YIPF1: variants seen among roughly 807,000 people sequenced by gnomAD.
YIPF1 encodes the protein protein YIPF1.
Under a neutral mutation model 37.0 loss-of-function variants are expected in YIPF1, and 22 were observed. The observed-to-expected ratio is 0.59, with a 90% CI of 0.42 to 0.85. YIPF1 has a LOEUF of 0.85. YIPF1 is among the 40% of genes least tolerant of loss of function. YIPF1 has a pLI of 0.00. For synonymous variants in YIPF1, 128 were observed against 131.9 expected, an observed-to-expected ratio of 0.97 and a Z score of 0.21; for missense variants, 355 against 373.1, an observed-to-expected ratio of 0.95 and a Z score of 0.40.
rs145272366 is a variant in YIPF1 at position 53,877,864 on chromosome 1, G to A, written c.364+451C>T. ...AGATAGGGTCTCCTTATGTTGCCCA[G>A]GCTGGTCTCAAACTCCTTGGGCTCA... On this transcript the variant is annotated intron_variant, in intron 6 of 10. Coordinates refer to ENST00000072644, the MANE Select transcript of YIPF1 (RefSeq NM_018982.5). Among the ~76,000 whole-genome samples the A allele has an allele frequency of 3.3e-5, 5 of 152,252 alleles. No individual in the cohort carries two copies. In the East Asian group the frequency reaches 7.7e-4, roughly 23 times the overall value.
chr1:53,863,204 T>G (rs2100723878), intron 9 of YIPF1, among the ~76,000 whole-genome samples: 1 of 152,308 alleles, frequency 6.6e-6, no homozygotes, highest in South Asian at 2.1e-4. Context: ...CTCCACTGCT[T>G]TCTCATCCAG....
Position 53,866,741 on chromosome 1 carries a change from C to T in YIPF1, c.648+17G>A. ...CAGAGCATCACTCAGAATCTACTCC[C>T]TAAGTATGGTACTTACTGCGGTGGG... On this transcript the variant is annotated intron_variant, in intron 8 of 10. Transcript: ENST00000072644. The T allele has an allele frequency of 6.2e-7, 1 of 1,604,824 alleles. No homozygotes were observed.
At chr1:53,862,994 G>A (rs1399299423) in intron 9 of YIPF1, among the ~76,000 whole-genome samples, 1 of 152,122 alleles carries the variant, frequency 6.6e-6, no homozygotes, top group Non-Finnish European at 1.5e-5. Context: ...TGGTCACTGT[G>A]GAGAACAAAA....
intron 7 of YIPF1, among the ~76,000 whole-genome samples, chr1:53,867,733 A>G (rs1469389428): frequency 1.3e-5 from 2 of 152,220 alleles, no homozygotes; most frequent in South Asian, 4.1e-4. Context: ...CATGCTCTCT[A>G]GAGTTCCTCT....
chr1:53,878,427 C>T (rs1443469159), intron 5 of YIPF1, 25 bp from the exon 6 acceptor site: 2 of 1,607,166 alleles, frequency 1.2e-6, no homozygotes, highest in Non-Finnish European at 1.7e-6. Context: ...AGCAGTAATT[C>T]TACTGAAGTT....
intron 4 of YIPF1, 133 bp downstream of exon 4, chr1:53,882,980 G>A (rs752181508): frequency 8.8e-6 from 9 of 1,019,812 alleles, no homozygotes; most frequent in Non-Finnish European, 1.2e-5. Context: ...CCCCCACCAA[G>A]GAAGAGGCCA....
intron 3 of YIPF1, among the ~76,000 whole-genome samples, chr1:53,885,628 C>T (rs1211874997): frequency 2.6e-5 from 4 of 151,916 alleles, no homozygotes; most frequent in Non-Finnish European, 5.9e-5. Flanking sequence ...CGAGACCAGG[C>T]TGGCCAACAT....
intron 6 of YIPF1, among the ~76,000 whole-genome samples, chr1:53,872,005 A>AGT (rs56411256): frequency 0.076 from 11,011 of 143,984 alleles, 455 homozygotes; most frequent in East Asian, 0.13. Flanking sequence ...GTTGAGTGTC[A>AGT]GTGTGTGTGT....
chr1:53,870,579 T>A (rs1196679553), intron 7 of YIPF1, among the ~76,000 whole-genome samples: 1 of 152,184 alleles, frequency 6.6e-6, no homozygotes, highest in Non-Finnish European at 1.5e-5. Flanking sequence ...CAATTGCAGA[T>A]GACCCCAGCT....
At position 53,860,084 on chromosome 1, in the gene YIPF1, C is replaced by T; in HGVS notation, c.901G>A (p.Ala301Thr). Residue 301 changes from alanine (A) to threonine (T), a missense_variant, in exon 10 of 11, where the codon GCT becomes ACT. By Grantham distance (58) the Ala-to-Thr change is moderately conservative. Coordinates refer to ENST00000072644, the MANE Select transcript of YIPF1 (RefSeq NM_018982.5). ...TTTATPNQTV[A>T]AAKSS ...CCTCATTAGCTGGACTTGGCTGCAG[C>T]AACTGTTTGGTTTGGAGTAGCTGTA... The T allele has an allele frequency of 1.2e-6, 2 of 1,614,070 alleles. No individual in the cohort carries two copies. The highest frequency in any genetic ancestry group is 1.7e-6 in the Non-Finnish European group (2 of 1,179,996).
chr1:53,874,950 T>A (rs1323702052), intron 6 of YIPF1, among the ~76,000 whole-genome samples: 1 of 152,168 alleles, frequency 6.6e-6, no homozygotes, highest in Non-Finnish European at 1.5e-5. Flanking sequence ...CTGATGGATA[T>A]CTTGGTTGTT....
At chr1:53,860,225 T>C in intron 9 of YIPF1, 72 bp from the exon 10 acceptor site, 1 of 1,433,432 alleles carries the variant, frequency 7.0e-7, no homozygotes, top group Non-Finnish European at 9.7e-7. Context: ...TTAGACTCCA[T>C]GCTAACAGTA....
At chr1:53,854,493 G>A (rs1649671267) in intron 10 of YIPF1, among the ~76,000 whole-genome samples, 1 of 152,140 alleles carries the variant, frequency 6.6e-6, no homozygotes, top group Non-Finnish European at 1.5e-5. Context: ...TCCCCATCTT[G>A]GGTGGCTGCA....
chr1:53,879,833 T>G lies in YIPF1; in HGVS notation c.196-1111A>C, dbSNP rs114750079. Among the ~76,000 whole-genome samples, 396 of 152,160 alleles carry G rather than the reference T, an allele frequency of 2.6e-3. 1 individual carries two copies. Among genetic ancestry groups the G allele is most frequent in the African/African-American group, 8.9e-3 (371 of 41,500 alleles). On this transcript the variant is annotated intron_variant, in intron 4 of 10. Transcript: ENST00000072644. ...AGCACCTTCAACTGAAATACCCAGG[T>G]TCTTGCATTGGGACTGACTAGGCAA...
chr1:53,879,873 G>A (rs1229269554), intron 4 of YIPF1, among the ~76,000 whole-genome samples: 1 of 152,066 alleles, frequency 6.6e-6, no homozygotes, highest in Admixed American at 6.6e-5. Flanking sequence ...CTCGACCCAC[G>A]GAGAATGAAG....
Position 53,878,633 on chromosome 1 carries a change from T to C in YIPF1, c.276+9A>G. On this transcript the variant is annotated intron_variant, in intron 5 of 10. Transcript: ENST00000072644. Reference sequence around the variant, plus strand: ...CCCGTAAAAGGAAAGGTGAAATTGGTTTCCAAACCTGGTAGGTGTCCACAT... The same window carrying C: ...CCCGTAAAAGGAAAGGTGAAATTGGCTTCCAAACCTGGTAGGTGTCCACAT... 1 of 1,598,586 alleles carries C rather than the reference T, an allele frequency of 6.3e-7. No individual in the cohort carries two copies. Among genetic ancestry groups the C allele is most frequent in the Non-Finnish European group, 8.5e-7 (1 of 1,176,834 alleles).
chr1:53,877,068 C>CT (rs1429612355), intron 6 of YIPF1, among the ~76,000 whole-genome samples: 1 of 152,184 alleles, frequency 6.6e-6, no homozygotes, highest in Non-Finnish European at 1.5e-5. Flanking sequence ...ATCTTTAAAT[C>CT]CTCAGCCTCT....
intron 9 of YIPF1, among the ~76,000 whole-genome samples, chr1:53,863,922 G>C (rs1456742673): frequency 6.6e-6 from 1 of 151,390 alleles, no homozygotes; most frequent in East Asian, 1.9e-4. Context: ...TTATATTTTT[G>C]GTAAAGACAG....
chr1:53,865,605 C>T lies in YIPF1; in HGVS notation c.831+595G>A, dbSNP rs1332847149. 2.0e-5 allele frequency among the ~76,000 whole-genome samples: 3 copies of T among 152,024 alleles called. No homozygotes were observed. In the East Asian group the frequency reaches 5.8e-4, roughly 29 times the overall value. ...GGAACCAACCACACCCCCACAACCC[C>T]CATACCAAGGAACAAATGTATACAG... On this transcript the variant is annotated intron_variant, in intron 9 of 10. Coordinates refer to ENST00000072644, the MANE Select transcript of YIPF1 (RefSeq NM_018982.5).
Sources: allele counts gnomAD v4.1 joint callset (sites outside exome capture counted in the v4.1 genomes callset), GRCh38; gene constraint gnomAD v4.1.1; transcripts MANE v1.5; gene names NCBI Gene and HGNC (gene_info 2026-07-23, HGNC 2026-07-21).